DLG2: variants seen among roughly 807,000 people sequenced by gnomAD.
DLG2 encodes disks large homolog 2.
DLG2 carries 45 observed loss-of-function variants against 132.5 expected under a neutral mutation model. The observed-to-expected ratio is 0.34, with a 90% CI of 0.27 to 0.44. The LOEUF (loss-of-function observed/expected upper bound fraction) is 0.44. DLG2 is among the 20% of genes least tolerant of loss of function. DLG2 has a pLI of 1.00. For synonymous variants in DLG2, 424 were observed against 419.6 expected, an observed-to-expected ratio of 1.01 and a Z score of -0.13; for missense variants, 1,045 against 1,196.9, an observed-to-expected ratio of 0.87 and a Z score of 1.87.
At chr11:83,888,361 G>C (rs1287686376) in intron 15 of DLG2, among the ~76,000 whole-genome samples, 8 of 152,138 alleles carry the variant, frequency 5.3e-5, no homozygotes, top group Non-Finnish European at 8.8e-5. Flanking sequence ...TTGCTTCAAA[G>C]AGAATAAAAT....
intron 6 of DLG2, among the ~76,000 whole-genome samples, chr11:84,745,986 G>T (rs1214365142): frequency 6.6e-6 from 1 of 152,110 alleles, no homozygotes. Flanking sequence ...GTGGATTGCT[G>T]AACCACAGTT....
At chr11:85,426,292 C>A (rs2090727213) in intron 3 of DLG2, among the ~76,000 whole-genome samples, 1 of 152,194 alleles carries the variant, frequency 6.6e-6, no homozygotes, top group African/African-American at 2.4e-5. Flanking sequence ...GTTCTCCCAG[C>A]ACGCAGTTGG....
chr11:84,004,993 A>G (rs1273995783), intron 11 of DLG2, among the ~76,000 whole-genome samples: 1 of 151,284 alleles, frequency 6.6e-6, no homozygotes, highest in Non-Finnish European at 1.5e-5. Context: ...CTGAGCAAAA[A>G]CAAACGAACA....
intron 4 of DLG2, among the ~76,000 whole-genome samples, chr11:85,248,981 A>T (rs1471007494): frequency 6.6e-6 from 1 of 152,086 alleles, no homozygotes; most frequent in Admixed American, 6.6e-5. Context: ...AATCAACTCA[A>T]TGAAATATAA....
intron 8 of DLG2, among the ~76,000 whole-genome samples, chr11:84,204,132 C>T (rs889803540): frequency 6.6e-6 from 1 of 151,854 alleles, no homozygotes; most frequent in Non-Finnish European, 1.5e-5. Context: ...TAATTTTGTA[C>T]TTTTAGTAGA....
At chr11:84,328,194 G>A (rs936590862) in intron 7 of DLG2, among the ~76,000 whole-genome samples, 1 of 151,568 alleles carries the variant, frequency 6.6e-6, no homozygotes, top group Non-Finnish European at 1.5e-5. Context: ...AATGATATGG[G>A]TAAAAATAAC....
At chr11:83,806,801 A>G (rs994537467) in intron 17 of DLG2, among the ~76,000 whole-genome samples, 1 of 152,166 alleles carries the variant, frequency 6.6e-6, no homozygotes, top group Non-Finnish European at 1.5e-5. Context: ...GGAATTATTA[A>G]TCAGCTCACC....
At chr11:84,379,318 G>A (rs2098741214) in intron 7 of DLG2, among the ~76,000 whole-genome samples, 1 of 152,102 alleles carries the variant, frequency 6.6e-6, no homozygotes, top group East Asian at 1.9e-4. Flanking sequence ...AAGGACAAAA[G>A]ACTACTAAAA....
intron 18 of DLG2, among the ~76,000 whole-genome samples, chr11:83,656,768 A>G (rs1373394837): frequency 1.3e-5 from 2 of 152,204 alleles, no homozygotes; most frequent in African/African-American, 4.8e-5. Flanking sequence ...AAATATTAAT[A>G]TGTGAAACTG....
chr11:85,095,550 G>GA (rs139635497), intron 6 of DLG2, among the ~76,000 whole-genome samples: 8,558 of 149,890 alleles, frequency 0.057, 282 homozygotes, highest in Middle Eastern at 0.1. Context: ...TTTTCACTCT[G>GA]AAAAAAAAAT....
At chr11:83,553,499 T>C (rs12295077) in intron 19 of DLG2, among the ~76,000 whole-genome samples, 23 of 108,614 alleles carry the variant, frequency 2.1e-4, no homozygotes, top group Non-Finnish European at 4.0e-4. Flanking sequence ...TGTGTGTGTG[T>C]GTGTGTGTGT....
chr11:83,856,676 GTTGT>G (rs1033225261), intron 16 of DLG2, among the ~76,000 whole-genome samples: 6 of 152,164 alleles, frequency 3.9e-5, no homozygotes, highest in South Asian at 4.2e-4. Context: ...TTTTAATGGG[GTTGT>G]TTGTCTTTTT....
At chr11:85,561,889 A>G (rs890056392) in intron 3 of DLG2, among the ~76,000 whole-genome samples, 1 of 151,872 alleles carries the variant, frequency 6.6e-6, no homozygotes, top group Non-Finnish European at 1.5e-5. Flanking sequence ...ATCGCATTTA[A>G]TCCTTGCAAA....
intron 10 of DLG2, among the ~76,000 whole-genome samples, chr11:84,091,305 A>G (rs917909733): frequency 6.6e-6 from 1 of 152,052 alleles, no homozygotes; most frequent in Non-Finnish European, 1.5e-5. Context: ...TTTTCCCTGC[A>G]GTTTCTGGCT....
chr11:83,571,015 C>T (rs1034992086), intron 19 of DLG2, among the ~76,000 whole-genome samples: 25 of 151,846 alleles, frequency 1.6e-4, no homozygotes, highest in Non-Finnish European at 1.5e-4. Flanking sequence ...CCCAAGTAGC[C>T]GGGATTACAG....
chr11:85,191,910 T>C (rs2080608233), intron 4 of DLG2, among the ~76,000 whole-genome samples: 1 of 152,200 alleles, frequency 6.6e-6, no homozygotes, highest in African/African-American at 2.4e-5. Context: ...CTGGGCTTTT[T>C]GAGGCTCAGA....
intron 6 of DLG2, among the ~76,000 whole-genome samples, chr11:85,059,099 A>T (rs1352671232): frequency 6.6e-6 from 1 of 151,516 alleles, no homozygotes; most frequent in Non-Finnish European, 1.5e-5. Context: ...TGTTTGGAAT[A>T]CATACATCCA....
chr11:83,524,769 C>T (rs950547273), intron 21 of DLG2, among the ~76,000 whole-genome samples: 5 of 152,112 alleles, frequency 3.3e-5, no homozygotes, highest in African/African-American at 1.2e-4. Context: ...CTGAGCACAC[C>T]GGGCTGTTTC....
intron 7 of DLG2, among the ~76,000 whole-genome samples, chr11:84,392,674 T>C (rs1479521536): frequency 6.6e-6 from 1 of 152,216 alleles, no homozygotes; most frequent in East Asian, 1.9e-4. Flanking sequence ...GGGTAGATTC[T>C]ATTATTGTTC....
Sources: gnomAD v4.1 joint callset for allele counts (sites outside exome capture counted in the v4.1 genomes callset) on GRCh38, gnomAD v4.1.1 for gene constraint, MANE v1.5 for transcripts, NCBI Gene and HGNC (gene_info 2026-07-23, HGNC 2026-07-21) for gene names.